The following DOCK4 variants were observed in gnomAD, a reference collection of about 807,000 sequenced individuals.
DOCK4 encodes the protein dedicator of cytokinesis protein 4.
Under a neutral mutation model 268.1 loss-of-function variants are expected in DOCK4, and 97 were observed. The observed-to-expected ratio is 0.36, with a 90% CI of 0.31 to 0.43. The LOEUF is 0.43. DOCK4 is among the 20% of genes least tolerant of loss of function. DOCK4 has a pLI of 1.00. For synonymous variants in DOCK4, 954 were observed against 887.2 expected, an observed-to-expected ratio of 1.08 and a Z score of -1.34; for missense variants, 2,145 against 2,455.7, an observed-to-expected ratio of 0.87 and a Z score of 2.67.
intron 1 of DOCK4, among the ~76,000 whole-genome samples, chr7:112,017,747 A>G (rs1030205237): frequency 6.6e-6 from 1 of 152,098 alleles, no homozygotes; most frequent in Non-Finnish European, 1.5e-5. Context: ...ACCACACCCT[A>G]TCCCAACCCC....
rs746135455 is a variant in DOCK4, at chr7:111,728,600, T to C, written c.5602A>G (p.Thr1868Ala). ...TTTTCAAAGCCTGAGGTTTCCGACG[T>C]GCTGCACCGGCTGAGAGAAGAAATC... The part of the protein sequence containing the change: ...SGISSLSRCS[T>A]SETSGFENQV... The change falls in exon 53 of 53, where the codon ACG (threonine) becomes GCG (alanine). Residue 1868 changes from threonine (T) to alanine (A), a missense_variant. By Grantham distance (58) the Thr-to-Ala change is moderately conservative (BLOSUM62 0). Around this residue, in one of 2 missense-constraint regions of DOCK4, gnomAD observed 547 missense variants for 469.0 expected, o/e 1.17. Coordinates refer to ENST00000428084, the MANE Select transcript of DOCK4 (RefSeq NM_001363540.2). The C allele has an allele frequency of 1.4e-5, 23 of 1,613,884 alleles. No homozygotes were observed. Among genetic ancestry groups the C allele is most frequent in the Non-Finnish European group, 1.9e-5 (23 of 1,179,898 alleles).
chr7:112,155,783 GCAGCCTAT>G (rs1213355698), intron 1 of DOCK4, among the ~76,000 whole-genome samples: 13 of 152,194 alleles, frequency 8.5e-5, no homozygotes, highest in African/African-American at 2.6e-4. Flanking sequence ...TTTTCCAGAG[GCAGCCTAT>G]CATCATCCAA....
chr7:111,962,026 C>A (rs1467150038), intron 8 of DOCK4, among the ~76,000 whole-genome samples: 1 of 152,136 alleles, frequency 6.6e-6, no homozygotes, highest in African/African-American at 2.4e-5. Context: ...GAATTCATAA[C>A]CAAGAAATTT....
chr7:112,189,747 T>TTG (rs1819769279), intron 1 of DOCK4, among the ~76,000 whole-genome samples: 1 of 1,972 alleles, frequency 5.1e-4, no homozygotes, highest in Non-Finnish European at 1.3e-3. Context: ...CTGGGTTTTG[T>TTG]TTTTTTTTTT....
chr7:111,791,740 G>A (rs905439199), intron 30 of DOCK4, among the ~76,000 whole-genome samples: 8 of 151,968 alleles, frequency 5.3e-5, no homozygotes, highest in African/African-American at 1.7e-4. Flanking sequence ...GAGCTATCGC[G>A]CCCAGCCTGT....
intron 1 of DOCK4, among the ~76,000 whole-genome samples, chr7:112,039,804 G>A (rs1804194455): frequency 6.6e-6 from 1 of 152,060 alleles, no homozygotes; most frequent in South Asian, 2.1e-4. Context: ...GTTAATAACT[G>A]AGTTTGAGTT....
intron 1 of DOCK4, among the ~76,000 whole-genome samples, chr7:112,174,590 T>G (rs759236859): frequency 6.6e-6 from 1 of 152,080 alleles, no homozygotes; most frequent in South Asian, 2.1e-4. Context: ...AAAGAAATCA[T>G]GATTACAGGG....
rs559373463 is a variant in DOCK4 at position 111,863,159 on chromosome 7, T to C, written c.2473+213A>G. Reference sequence around the variant, plus strand: ...TCCCATTAAACATAAAAAACAATAATGTAATCATTAGTTTTCATTCTTTCC... The same window carrying C: ...TCCCATTAAACATAAAAAACAATAACGTAATCATTAGTTTTCATTCTTTCC... On this transcript the variant is annotated intron_variant, in intron 23 of 52. Coordinates refer to ENST00000428084, the MANE Select transcript of DOCK4 (RefSeq NM_001363540.2). 5.3e-6 allele frequency: 3 copies of C among 567,454 alleles called. No individual in the cohort carries two copies. In the South Asian group the frequency reaches 6.0e-5, roughly 11 times the overall value. The allele number at this position is 567,454 out of a possible 1,614,324, so 35.2% of individuals were successfully genotyped here.
intron 1 of DOCK4, among the ~76,000 whole-genome samples, chr7:112,161,426 T>C (rs1817116376): frequency 1.3e-5 from 2 of 152,314 alleles, no homozygotes; most frequent in South Asian, 4.1e-4. Context: ...CTTTCATGTC[T>C]GGCATGGAAA....
chr7:111,981,402 C>A (rs965023817), intron 7 of DOCK4, among the ~76,000 whole-genome samples: 3 of 152,266 alleles, frequency 2.0e-5, no homozygotes, highest in African/African-American at 7.2e-5. Flanking sequence ...AAAGAAACTG[C>A]CTTATGGAAG....
intron 1 of DOCK4, among the ~76,000 whole-genome samples, chr7:112,068,377 A>G (rs1486657225): frequency 3.3e-5 from 5 of 152,194 alleles, no homozygotes; most frequent in East Asian, 1.9e-4. Context: ...GCATAGTACT[A>G]TGATTAAGAG....
At chr7:111,979,567 C>G (rs1798454540) in intron 7 of DOCK4, among the ~76,000 whole-genome samples, 1 of 151,688 alleles carries the variant, frequency 6.6e-6, no homozygotes, top group South Asian at 2.1e-4. Context: ...CATCCCCCCT[C>G]CACCCCGCCA....
chr7:111,833,136 T>C (rs1287016353), intron 26 of DOCK4, among the ~76,000 whole-genome samples: 1 of 152,230 alleles, frequency 6.6e-6, no homozygotes, highest in Non-Finnish European at 1.5e-5. Flanking sequence ...AGAATACAGC[T>C]TCTAACGAAA....
At chr7:111,858,778 C>T (rs1176637136) in intron 23 of DOCK4, among the ~76,000 whole-genome samples, 3 of 151,872 alleles carry the variant, frequency 2.0e-5, no homozygotes, top group African/African-American at 4.8e-5. Context: ...CGTCTTTCCT[C>T]CTTCCTTCCC....
chr7:111,925,309 A>C (rs1793514406), intron 12 of DOCK4, among the ~76,000 whole-genome samples: 1 of 152,212 alleles, frequency 6.6e-6, no homozygotes, highest in Non-Finnish European at 1.5e-5. Context: ...GGCACATCCT[A>C]GCTACACCAA....
chr7:112,055,329 A>C (rs2135569056), intron 1 of DOCK4, among the ~76,000 whole-genome samples: 1 of 152,324 alleles, frequency 6.6e-6, no homozygotes, highest in Admixed American at 6.5e-5. Context: ...TGGCCAGGAC[A>C]GTCATCCCAT....
rs767710572 is a variant in DOCK4, at chr7:111,933,179, T to TATATACGTATATACAC, written c.1066+2345_1066+2360dup. 7.4e-4 allele frequency among the ~76,000 whole-genome samples: 105 copies of TATATACGTATATACAC among 141,048 alleles called. 1 individual carries two copies. The highest frequency in any genetic ancestry group is 3.8e-3 in the Middle Eastern group (1 of 264). The allele number at this position is 141,048 out of a possible 152,430, so 92.5% of individuals were successfully genotyped here. A position where few individuals can be genotyped will look rare whatever the true frequency, so the allele number is the denominator to read the frequency against. ...ATACACATATATACGTATATACACA[T>TATATACGTATATACAC]ATATACGTATATACACATATATACG... On this transcript the variant is annotated intron_variant, in intron 12 of 52. Coordinates refer to ENST00000428084, the MANE Select transcript of DOCK4 (RefSeq NM_001363540.2).
At chr7:112,024,587 C>T (rs184430917) in intron 1 of DOCK4, among the ~76,000 whole-genome samples, 244 of 152,196 alleles carry the variant, frequency 1.6e-3, no homozygotes, top group African/African-American at 5.4e-3. Context: ...ATTTCTTGCC[C>T]CTTGCACCAA....
At chr7:111,914,034 T>C (rs1323424512) in intron 13 of DOCK4, among the ~76,000 whole-genome samples, 1 of 152,148 alleles carries the variant, frequency 6.6e-6, no homozygotes, top group Non-Finnish European at 1.5e-5. Context: ...CCTAGAATCA[T>C]TAGCATTGAA....
Sources: gnomAD v4.1 joint callset for allele counts (sites outside exome capture counted in the v4.1 genomes callset) on GRCh38, gnomAD v4.1.1 for gene constraint, gnomAD v4.1.1 regional missense constraint, MANE v1.5 for transcripts, NCBI Gene and HGNC (gene_info 2026-07-23, HGNC 2026-07-21) for gene names.